Variants in HORMAD2 observed in about 807,000 individuals in gnomAD.
HORMAD2 encodes the protein HORMA domain containing 2.
Under a neutral mutation model 38.8 loss-of-function variants are expected in HORMAD2, and 45 were observed. That is an observed-to-expected ratio of 1.16 (90% CI 0.91 to 1.49). HORMAD2 has a LOEUF of 1.49. HORMAD2 is among the 40% of genes most tolerant of loss of function. The probability of loss-of-function intolerance (pLI) is 0.00; values close to 1 mark genes in which losing one functional copy is unlikely to be tolerated. For missense variants in HORMAD2, 338 were observed against 367.0 expected, an observed-to-expected ratio of 0.92 and a Z score of 0.65; for synonymous variants, 126 against 122.8, an observed-to-expected ratio of 1.03 and a Z score of -0.17.
intron 5 of HORMAD2, among the ~76,000 whole-genome samples, chr22:30,107,644 A>C (rs1346642937): frequency 6.6e-6 from 1 of 151,810 alleles, no homozygotes; most frequent in Non-Finnish European, 1.5e-5. Context: ...CTGCTACTCG[A>C]GAGGCTGAGG....
At chr22:30,110,061 A>C (rs986285671) in intron 5 of HORMAD2, among the ~76,000 whole-genome samples, 1 of 152,212 alleles carries the variant, frequency 6.6e-6, no homozygotes, top group East Asian at 1.9e-4. Context: ...TTTAGAAAAA[A>C]TAACAGTACA....
chr22:30,083,677 G>A (rs1386557282), intron 1 of HORMAD2, among the ~76,000 whole-genome samples: 1 of 152,062 alleles, frequency 6.6e-6, no homozygotes, highest in Non-Finnish European at 1.5e-5. Flanking sequence ...GTGCAATGGT[G>A]CAATCTCGGC....
chr22:30,206,489 G>A, the HORMAD2 span, among the ~76,000 whole-genome samples: 2 of 151,758 alleles, frequency 1.3e-5, no homozygotes, highest in Non-Finnish European at 2.9e-5. Context: ...TGTTTGTTTT[G>A]TTTTGTTTTC....
intron 1 of HORMAD2, among the ~76,000 whole-genome samples, chr22:30,088,703 A>G (rs1281140141): frequency 6.6e-6 from 1 of 151,364 alleles, no homozygotes; most frequent in Non-Finnish European, 1.5e-5. Context: ...TAAAAATTAA[A>G]AAGTAAGTTT....
the HORMAD2 span, among the ~76,000 whole-genome samples, chr22:30,200,126 A>G: frequency 6.6e-6 from 1 of 151,864 alleles, no homozygotes; most frequent in Admixed American, 6.6e-5. Flanking sequence ...CATGTCAGCC[A>G]GGCTGGTCTC....
chr22:30,126,115 C>A (rs559126054), intron 10 of HORMAD2, among the ~76,000 whole-genome samples: 1 of 152,132 alleles, frequency 6.6e-6, no homozygotes, highest in African/African-American at 2.4e-5. Flanking sequence ...GACTTCTATT[C>A]GCATAGATTA....
At chr22:30,145,436 A>G (rs993995777) in intron 10 of HORMAD2, among the ~76,000 whole-genome samples, 1 of 152,202 alleles carries the variant, frequency 6.6e-6, no homozygotes, top group Non-Finnish European at 1.5e-5. Context: ...GGGAAAAGCT[A>G]TTATAAATAT....
the HORMAD2 span, among the ~76,000 whole-genome samples, chr22:30,182,545 A>G: frequency 2.0e-5 from 3 of 152,224 alleles, no homozygotes; most frequent in Non-Finnish European, 4.4e-5. Flanking sequence ...CGTGCAGTTT[A>G]TGAAGGATCT....
chr22:30,108,833 A>G (rs570502561), intron 5 of HORMAD2, among the ~76,000 whole-genome samples: 1 of 152,320 alleles, frequency 6.6e-6, no homozygotes, highest in East Asian at 1.9e-4. Context: ...CAAAATGGCC[A>G]CACAGTGGCA....
chr22:30,169,742 C>T (rs961538045), intron 10 of HORMAD2, among the ~76,000 whole-genome samples: 2 of 152,166 alleles, frequency 1.3e-5, no homozygotes, highest in African/African-American at 4.8e-5. Flanking sequence ...ATTATTTCTC[C>T]ATCTATCTTC....
chr22:30,095,336 G>A (rs1321076976), intron 2 of HORMAD2, among the ~76,000 whole-genome samples: 1 of 152,016 alleles, frequency 6.6e-6, no homozygotes, highest in Non-Finnish European at 1.5e-5. Context: ...CAAAATTTAG[G>A]CACTTGATTT....
intron 10 of HORMAD2, among the ~76,000 whole-genome samples, chr22:30,155,493 A>G (rs954802066): frequency 3.9e-5 from 6 of 152,080 alleles, no homozygotes; most frequent in African/African-American, 1.2e-4. Flanking sequence ...GCACTTCCTT[A>G]CATCCTGTTA....
rs1922441974 is a variant in HORMAD2 at position 30,121,659 on chromosome 22, T to A, written c.438T>A (p.Ser146Arg). The A allele has an allele frequency of 6.2e-7, 1 of 1,600,806 alleles. No individual in the cohort carries two copies. Among genetic ancestry groups the A allele is most frequent in the Middle Eastern group, 1.7e-4 (1 of 6,034 alleles). ...ATAGCAGCAGTACAAGCTTTGAAAG[T>A]GGAACAAACAATGAAGATATTAAGA... ...DSHSSSTSFE[S>R]GTNNEDIKKA... Residue 146 changes from serine to arginine, a missense_variant, in exon 9 of 11, where the codon AGT (serine) becomes AGA (arginine). Coordinates refer to ENST00000336726, the MANE Select transcript of HORMAD2 (RefSeq NM_152510.4).
intron 1 of HORMAD2, among the ~76,000 whole-genome samples, chr22:30,093,278 T>G (rs1639171506): frequency 6.6e-6 from 1 of 152,162 alleles, no homozygotes; most frequent in African/African-American, 2.4e-5. Flanking sequence ...GATTTCTTTT[T>G]CAGCTAGTTG....
intron 1 of HORMAD2, among the ~76,000 whole-genome samples, chr22:30,089,202 G>A (rs2068637153): frequency 6.6e-6 from 1 of 152,050 alleles, no homozygotes; most frequent in African/African-American, 2.4e-5. Flanking sequence ...ACAAAAACCG[G>A]TCACAGGCTA....
intron 1 of HORMAD2, among the ~76,000 whole-genome samples, chr22:30,091,193 T>G (rs2068674737): frequency 6.6e-6 from 1 of 152,144 alleles, no homozygotes; most frequent in Admixed American, 6.5e-5. Flanking sequence ...TATTCCATTG[T>G]GTATATATAT....
intron 10 of HORMAD2, among the ~76,000 whole-genome samples, chr22:30,127,646 C>CT (rs914002002): frequency 3.9e-5 from 6 of 152,172 alleles, no homozygotes; most frequent in African/African-American, 1.4e-4. Context: ...CCTGGCACAT[C>CT]TTTGTCTTTT....
At chr22:30,125,502 A>G (rs1053939413) in intron 10 of HORMAD2, among the ~76,000 whole-genome samples, 7 of 151,968 alleles carry the variant, frequency 4.6e-5, no homozygotes, top group African/African-American at 1.7e-4. Flanking sequence ...TGCTGGGATT[A>G]CAGGCATGAG....
intron 2 of HORMAD2, among the ~76,000 whole-genome samples, chr22:30,096,216 G>T (rs897237524): frequency 6.6e-6 from 1 of 152,034 alleles, no homozygotes. Flanking sequence ...TCCAGCATGG[G>T]TCTATTACAA....
Sources: gnomAD v4.1 joint callset for allele counts (sites outside exome capture counted in the v4.1 genomes callset) on GRCh38, gnomAD v4.1.1 for gene constraint, MANE v1.5 for transcripts, NCBI Gene and HGNC (gene_info 2026-07-23, HGNC 2026-07-21) for gene names.